The following FAM20B variants were observed in gnomAD, a reference collection of about 807,000 sequenced individuals.
The protein encoded by FAM20B is glycosaminoglycan xylosylkinase.
In FAM20B, 23 loss-of-function variants were observed where a neutral mutation model predicts 43.8. That is an observed-to-expected ratio of 0.53 (90% CI 0.38 to 0.74). The LOEUF (loss-of-function observed/expected upper bound fraction) is 0.74. FAM20B is among the 30% of genes least tolerant of loss of function. The pLI, the probability that FAM20B is intolerant of heterozygous loss-of-function variation, is 0.00. For missense variants in FAM20B, 440 were observed against 510.5 expected, an observed-to-expected ratio of 0.86 and a Z score of 1.33; for synonymous variants, 178 against 192.4, an observed-to-expected ratio of 0.93 and a Z score of 0.62.
In FAM20B at chr1:179,064,367, C is replaced by T. The variant is rs778968805; in HGVS notation, c.809C>T (p.Pro270Leu). The T allele has an allele frequency of 2.6e-5, 42 of 1,613,936 alleles. No homozygotes were observed. Among genetic ancestry groups the T allele is most frequent in the African/African-American group, 5.3e-5 (4 of 74,906 alleles). ...AAAACGTCCCCTTATGACTCTGGCC[C>T]GCGCCTCTTGGACATCATTGACACA... The part of the protein sequence containing the change: ...VKKTSPYDSG[P>L]RLLDIIDTAV... Residue 270 changes from proline to leucine, a missense_variant, in exon 6 of 8, where the codon CCG becomes CTG. Transcript: ENST00000263733.
rs927672125 is a variant in FAM20B, at chr1:179,076,141, C to T, written c.*3997C>T. 6.6e-6 allele frequency: 1 copy of T among 152,168 alleles called. No individual in the cohort carries two copies. Among genetic ancestry groups the T allele is most frequent in the African/African-American group, 2.4e-5 (1 of 41,438 alleles). The allele number at this position is 152,168 out of a possible 1,614,324, so 9.4% of individuals were successfully genotyped here. ...TCATCAGCGAATAACTACTGAGCAA[C>T]TCTAGTGTGCCAGCACAGGCCAGAC... On this transcript the variant is annotated 3_prime_UTR_variant, in exon 8 of 8. Transcript: ENST00000263733.
At chr1:179,046,402 G>A (rs185614136) in intron 2 of FAM20B, among the ~76,000 whole-genome samples, 1 of 152,364 alleles carries the variant, frequency 6.6e-6, no homozygotes, top group Admixed American at 6.5e-5. Context: ...TGTAATCCCA[G>A]CACTTTGGGA....
rs533384881 is a variant in FAM20B at position 179,073,708 on chromosome 1, A to G, written c.*1564A>G. On this transcript the variant is annotated 3_prime_UTR_variant, in exon 8 of 8. Transcript: ENST00000263733. ...TTGATTTATGTCAAATCCTAATTCT[A>G]TCATTCAGTCTTGTTTGGAGTTCTG... 3 of 152,224 alleles carry G rather than the reference A, an allele frequency of 2.0e-5. No individual in the cohort carries two copies. Among genetic ancestry groups the G allele is most frequent in the Non-Finnish European group, 4.4e-5 (3 of 68,036 alleles). The allele number at this position is 152,224 out of a possible 1,614,324, so 9.4% of individuals were successfully genotyped here.
chr1:179,074,790 A>G lies in FAM20B; in HGVS notation c.*2646A>G, dbSNP rs1219993615. 1.3e-5 allele frequency: 2 copies of G among 152,230 alleles called. No individual in the cohort carries two copies. The highest frequency in any genetic ancestry group is 1.3e-4 in the Admixed American group (2 of 15,284). 9.4% of individuals were successfully genotyped at this position (152,230 alleles called of 1,614,324 possible). A position where few individuals can be genotyped will look rare whatever the true frequency, so the allele number is the denominator to read the frequency against. ...ATATAAATTTTTGTTGTAAGTCAGGATTGGAGTAAGCTGGAAAAGTATGTT... is the reference window on the plus strand; with the variant it reads ...ATATAAATTTTTGTTGTAAGTCAGGGTTGGAGTAAGCTGGAAAAGTATGTT... On this transcript the variant is annotated 3_prime_UTR_variant, in exon 8 of 8. Transcript: ENST00000263733.
intron 3 of FAM20B, among the ~76,000 whole-genome samples, chr1:179,054,018 A>G: frequency 6.6e-6 from 1 of 151,134 alleles, no homozygotes; most frequent in Admixed American, 6.6e-5. Flanking sequence ...AAAATAAATC[A>G]TTGTTTTCAA....
At position 179,063,978 on chromosome 1, in the gene FAM20B, C is replaced by G. The variant is rs754637827; in HGVS notation, c.626C>G (p.Pro209Arg). 8.7e-6 allele frequency: 14 copies of G among 1,613,582 alleles called. No individual in the cohort carries two copies. In the East Asian group the frequency reaches 2.9e-4, roughly 33 times the overall value. The change falls in exon 5 of 8, where the codon CCA becomes CGA. Residue 209 changes from proline to arginine, a missense_variant. By Grantham distance (103) the Pro-to-Arg change is moderately radical. Transcript: ENST00000263733. ...GKCYYCRETE[P>R]ACADGDIMEG... Reference sequence around the variant, plus strand: ...TGCTATTACTGCCGAGAAACAGAACCAGCTTGTGCTGATGGAGACATAATG... The same window carrying G: ...TGCTATTACTGCCGAGAAACAGAACGAGCTTGTGCTGATGGAGACATAATG...
intron 1 of FAM20B, among the ~76,000 whole-genome samples, chr1:179,034,439 TA>T (rs1650136261): frequency 6.6e-6 from 1 of 152,102 alleles, no homozygotes; most frequent in African/African-American, 2.4e-5. Context: ...CTCACTGTGT[TA>T]CCCAGGCTGG....
chr1:179,071,887 C>G, intron 7 of FAM20B, 26 bp from the exon 8 acceptor site: 1 of 1,531,372 alleles, frequency 6.5e-7, no homozygotes, highest in Non-Finnish European at 9.0e-7. Flanking sequence ...GTTTTATGTA[C>G]CTTGTTCTAT....
chr1:179,024,744 C>T (rs908709637), upstream of FAM20B, among the ~76,000 whole-genome samples: 1 of 152,214 alleles, frequency 6.6e-6, no homozygotes, highest in African/African-American at 2.4e-5. Flanking sequence ...ATAGTAAATG[C>T]TCAGCAAATA....
chr1:179,070,002 G>C (rs891608764), intron 7 of FAM20B, among the ~76,000 whole-genome samples: 3 of 151,928 alleles, frequency 2.0e-5, no homozygotes, highest in African/African-American at 7.3e-5. Context: ...AGTTCGTTTT[G>C]TGCTGCTGTA....
At chr1:179,046,285 C>T (rs1373210302) in intron 2 of FAM20B, among the ~76,000 whole-genome samples, 1 of 152,196 alleles carries the variant, frequency 6.6e-6, no homozygotes, top group East Asian at 1.9e-4. Flanking sequence ...TCTTTGACTT[C>T]TTGGCCTGAG....
At chr1:179,026,791 A>G (rs972549508) in intron 1 of FAM20B, among the ~76,000 whole-genome samples, 1 of 152,218 alleles carries the variant, frequency 6.6e-6, no homozygotes, top group Non-Finnish European at 1.5e-5. Flanking sequence ...CGTTTCCCTT[A>G]ATGATGAATG....
At chr1:179,037,527 C>T (rs1650297247) in intron 1 of FAM20B, among the ~76,000 whole-genome samples, 1 of 132,002 alleles carries the variant, frequency 7.6e-6, no homozygotes, top group Non-Finnish European at 1.5e-5. Context: ...CTCTGTCGCT[C>T]AGGCTGGAGT....
chr1:179,063,839 C>T, intron 4 of FAM20B, 88 bp from the exon 5 acceptor site: 1 of 853,388 alleles, frequency 1.2e-6, no homozygotes, highest in Non-Finnish European at 1.8e-6. Flanking sequence ...TGCTTATTTA[C>T]TTAGCTACTC....
At chr1:179,025,056 C>A (rs1649698433), upstream of FAM20B, among the ~76,000 whole-genome samples, 1 of 152,152 alleles carries the variant, frequency 6.6e-6, no homozygotes, top group South Asian at 2.1e-4. Context: ...CAGGGTCAGG[C>A]ACACTAAGTT....
upstream of FAM20B, among the ~76,000 whole-genome samples, chr1:179,025,557 T>C (rs1350392160): frequency 6.6e-6 from 1 of 151,846 alleles, no homozygotes; most frequent in Non-Finnish European, 1.5e-5. Flanking sequence ...GCTGCCTACC[T>C]ACCTAAGAAA....
At chr1:179,040,461 C>T (rs1399908411) in intron 1 of FAM20B, among the ~76,000 whole-genome samples, 86 of 149,852 alleles carry the variant, frequency 5.7e-4, no homozygotes, top group African/African-American at 1.9e-3. Flanking sequence ...CCTCACCTCC[C>T]GGACGAGGCG....
intron 6 of FAM20B, among the ~76,000 whole-genome samples, chr1:179,065,889 G>C (rs1185918051): frequency 6.6e-6 from 1 of 152,184 alleles, no homozygotes; most frequent in Non-Finnish European, 1.5e-5. Context: ...TCAGTGTCTG[G>C]TGAGGGCCTG....
intron 4 of FAM20B, among the ~76,000 whole-genome samples, chr1:179,060,355 A>G (rs1021926921): frequency 2.0e-5 from 3 of 152,184 alleles, no homozygotes; most frequent in South Asian, 4.1e-4. Flanking sequence ...TACCTTGTAT[A>G]TATGTCAGGG....
Sources: gnomAD v4.1 joint callset for allele counts (sites outside exome capture counted in the v4.1 genomes callset) on GRCh38, gnomAD v4.1.1 for gene constraint, MANE v1.5 for transcripts, NCBI Gene and HGNC (gene_info 2026-07-23, HGNC 2026-07-21) for gene names.